The following CTNNBL1 variants were observed in gnomAD, a reference collection of about 807,000 sequenced individuals.
CTNNBL1 encodes catenin beta like 1.
CTNNBL1 carries 31 observed loss-of-function variants against 72.7 expected under a neutral mutation model. The ratio of observed to expected loss-of-function variants is 0.43; its 90% confidence interval spans 0.32 to 0.58. The LOEUF (loss-of-function observed/expected upper bound fraction) is 0.58, where lower values mean the gene tolerates loss of function less well. Among genes scored for constraint, CTNNBL1 ranks in the 20% least tolerant of loss-of-function variants. The pLI is 0.08. For synonymous variants in CTNNBL1, 240 were observed against 267.3 expected, an observed-to-expected ratio of 0.90 and a Z score of 1.00; for missense variants, 534 against 725.1, an observed-to-expected ratio of 0.74 and a Z score of 3.03.
chr20:37,837,579 T>C (rs1315791471), intron 11 of CTNNBL1, among the ~76,000 whole-genome samples: 1 of 152,204 alleles, frequency 6.6e-6, no homozygotes, highest in East Asian at 1.9e-4. Flanking sequence ...TTAAGAACCA[T>C]CTTGTAACTG....
At chr20:37,736,558 TG>T (rs752358241) in intron 2 of CTNNBL1, among the ~76,000 whole-genome samples, 3 of 152,192 alleles carry the variant, frequency 2.0e-5, no homozygotes, top group Non-Finnish European at 2.9e-5. Context: ...CTTTTTTTTT[TG>T]AGACAGAGTC....
At chr20:37,804,886 T>C (rs2281148) in intron 11 of CTNNBL1, among the ~76,000 whole-genome samples, 30,778 of 152,170 alleles carry the variant, frequency 0.2, 3,915 homozygotes, top group East Asian at 0.42. Context: ...TGTGATAACA[T>C]TATGTTAGTG....
At chr20:37,704,572 T>C (rs2122547116) in intron 1 of CTNNBL1, among the ~76,000 whole-genome samples, 1 of 151,880 alleles carries the variant, frequency 6.6e-6, no homozygotes, top group East Asian at 1.9e-4. Context: ...TTTGCTGGGT[T>C]TGGAGGTGCG....
At chr20:37,856,977 A>G (rs1297987959) in intron 13 of CTNNBL1, among the ~76,000 whole-genome samples, 1 of 152,196 alleles carries the variant, frequency 6.6e-6, no homozygotes, top group African/African-American at 2.4e-5. Context: ...TCATTTCCAT[A>G]TCAAAGATGA....
chr20:37,756,760 C>T (rs1469071384), intron 4 of CTNNBL1, among the ~76,000 whole-genome samples: 1 of 151,466 alleles, frequency 6.6e-6, no homozygotes, highest in Non-Finnish European at 1.5e-5. Flanking sequence ...ACCTTAGCCT[C>T]CCAAGTTTCT....
intron 7 of CTNNBL1, among the ~76,000 whole-genome samples, chr20:37,774,177 G>T (rs929214983): frequency 6.6e-6 from 1 of 152,120 alleles, no homozygotes; most frequent in African/African-American, 2.4e-5. Flanking sequence ...GCTTCCCAAA[G>T]TGCTGGGAGT....
intron 2 of CTNNBL1, 99 bp from the exon 3 acceptor site, chr20:37,737,279 T>C: frequency 1.2e-6 from 1 of 802,766 alleles, no homozygotes; most frequent in South Asian, 1.6e-5. Flanking sequence ...GAAAGGTCAA[T>C]GGCAGAGTGA....
chr20:37,867,136 A>G (rs924678307), intron 15 of CTNNBL1, among the ~76,000 whole-genome samples: 4 of 152,136 alleles, frequency 2.6e-5, no homozygotes, highest in Admixed American at 2.0e-4. Flanking sequence ...GCAACTTTCA[A>G]CCTTCCAAGT....
At chr20:37,779,105 A>G in intron 9 of CTNNBL1, 82 bp from the exon 10 acceptor site, 1 of 1,389,772 alleles carries the variant, frequency 7.2e-7, no homozygotes, top group Non-Finnish European at 1.0e-6. Flanking sequence ...TATGACCCAC[A>G]GGTTTTAGGA....
intron 1 of CTNNBL1, among the ~76,000 whole-genome samples, chr20:37,702,265 G>T (rs1003360094): frequency 6.6e-6 from 1 of 152,144 alleles, no homozygotes; most frequent in Non-Finnish European, 1.5e-5. Flanking sequence ...CTAGTTCAAG[G>T]TTGCTTTATT....
At chr20:37,869,574 G>A (rs889506419) in intron 15 of CTNNBL1, among the ~76,000 whole-genome samples, 1 of 152,260 alleles carries the variant, frequency 6.6e-6, no homozygotes, top group Non-Finnish European at 1.5e-5. Flanking sequence ...TCTAGGGAGA[G>A]AGGGGCTGGG....
At chr20:37,813,301 T>A (rs1421017187) in intron 11 of CTNNBL1, among the ~76,000 whole-genome samples, 2 of 152,204 alleles carry the variant, frequency 1.3e-5, no homozygotes, top group East Asian at 1.9e-4. Context: ...TTGACTTAGT[T>A]AATCTCTGGA....
intron 4 of CTNNBL1, among the ~76,000 whole-genome samples, chr20:37,747,652 C>G (rs2073279232): frequency 6.6e-6 from 1 of 152,142 alleles, no homozygotes; most frequent in Non-Finnish European, 1.5e-5. Context: ...AATCATAGCT[C>G]ACTACAGCCT....
intron 3 of CTNNBL1, among the ~76,000 whole-genome samples, chr20:37,743,146 A>AT (rs10656932): frequency 0.038 from 5,372 of 140,156 alleles, 113 homozygotes; most frequent in African/African-American, 0.045. Flanking sequence ...ACTCAGCACA[A>AT]TTTTTTTTTT....
chr20:37,772,083 A>G (rs956318780), intron 7 of CTNNBL1, among the ~76,000 whole-genome samples: 1 of 152,194 alleles, frequency 6.6e-6, no homozygotes. Flanking sequence ...CTCCATCTGT[A>G]AAGTGGAGAT....
intron 7 of CTNNBL1, among the ~76,000 whole-genome samples, chr20:37,768,717 T>G (rs1049772986): frequency 2.0e-5 from 3 of 152,176 alleles, no homozygotes; most frequent in African/African-American, 7.2e-5. Context: ...TTATAATAGT[T>G]CTATTTTATT....
intron 1 of CTNNBL1, among the ~76,000 whole-genome samples, chr20:37,707,929 G>A (rs994017453): frequency 8.3e-5 from 6 of 72,092 alleles, no homozygotes; most frequent in African/African-American, 4.8e-5. Flanking sequence ...GAGACCTGAG[G>A]AGAGAGAGAG....
At chr20:37,771,253 C>G (rs902236544) in intron 7 of CTNNBL1, among the ~76,000 whole-genome samples, 1 of 152,248 alleles carries the variant, frequency 6.6e-6, no homozygotes, top group Non-Finnish European at 1.5e-5. Flanking sequence ...GATTCCCACA[C>G]TGTACCCTAG....
At chr20:37,718,756 A>T (rs935282381) in intron 1 of CTNNBL1, among the ~76,000 whole-genome samples, 3 of 152,212 alleles carry the variant, frequency 2.0e-5, no homozygotes, top group Non-Finnish European at 2.9e-5. Flanking sequence ...TGCAGAAGGA[A>T]CTCACCTGAC....
Sources: allele counts gnomAD v4.1 joint callset (sites outside exome capture counted in the v4.1 genomes callset), GRCh38; gene constraint gnomAD v4.1.1; transcripts MANE v1.5; gene names NCBI Gene and HGNC (gene_info 2026-07-23, HGNC 2026-07-21).